The following TAFA2 variants were observed in gnomAD, a reference collection of about 807,000 sequenced individuals.
The protein encoded by TAFA2 is TAFA chemokine like family member 2.
In TAFA2, 7 loss-of-function variants were observed where a neutral mutation model predicts 18.8. That is an observed-to-expected ratio of 0.37 (90% CI 0.21 to 0.70). The LOEUF is 0.70. Ranked by LOEUF, TAFA2 falls within the 30% of genes least tolerant of loss-of-function variation. TAFA2 has a pLI of 0.53. For synonymous variants in TAFA2, 60 were observed against 54.2 expected (o/e 1.11, Z -0.47); for missense variants, 122 against 158.1 (o/e 0.77, Z 1.23).
At chr12:61,878,053 A>G (rs1015458238) in intron 1 of TAFA2, 13 of 454,534 alleles carry the variant, frequency 2.9e-5, no homozygotes, top group Non-Finnish European at 5.7e-5. Context: ...ACACAAAAGT[A>G]CAAATACTGT....
intron 1 of TAFA2, among the ~76,000 whole-genome samples, chr12:62,023,964 A>T (rs1433227585): frequency 6.6e-6 from 1 of 152,206 alleles, no homozygotes; most frequent in African/African-American, 2.4e-5. Flanking sequence ...GAAAAGTCGA[A>T]AGTTTAGATA....
Position 61,711,152 on chromosome 12 carries a change from GA to G in TAFA2, c.385-736del, listed in dbSNP as rs564855396. On this transcript the variant is annotated intron_variant, in intron 4 of 4. Transcript: ENST00000416284. ...AAGTCCAAAGACCATTTGTGTACAG[GA>G]AAAAAGAATAATAAACAGATAGAAT... 2.5e-3 allele frequency among the ~76,000 whole-genome samples: 381 copies of G among 151,754 alleles called. 5 individuals are homozygous for G. The highest frequency in any genetic ancestry group is 8.4e-3 in the African/African-American group (346 of 41,414).
intron 1 of TAFA2, among the ~76,000 whole-genome samples, chr12:62,057,377 T>A (rs951492388): frequency 7.2e-5 from 11 of 152,108 alleles, no homozygotes; most frequent in African/African-American, 2.7e-4. Flanking sequence ...TCTCACAAGA[T>A]GTTATGTTAG....
At chr12:61,960,240 T>G (rs980628518) in intron 1 of TAFA2, among the ~76,000 whole-genome samples, 1 of 152,006 alleles carries the variant, frequency 6.6e-6, no homozygotes, top group Non-Finnish European at 1.5e-5. Context: ...ATTTTTATCT[T>G]AAAGTCTTTC....
At chr12:62,059,350 A>G (rs1248215428) in intron 1 of TAFA2, among the ~76,000 whole-genome samples, 1 of 152,094 alleles carries the variant, frequency 6.6e-6, no homozygotes, top group African/African-American at 2.4e-5. Flanking sequence ...GAAAGTAATT[A>G]TTGAACTGCT....
chr12:61,865,201 T>A (rs1369113557), intron 2 of TAFA2, among the ~76,000 whole-genome samples: 7 of 152,164 alleles, frequency 4.6e-5, no homozygotes, highest in African/African-American at 1.7e-4. Flanking sequence ...TGTAACTATA[T>A]CCTTCCACAG....
intron 1 of TAFA2, among the ~76,000 whole-genome samples, chr12:62,189,974 G>A (rs2062611606): frequency 6.6e-6 from 1 of 151,732 alleles, no homozygotes; most frequent in South Asian, 2.1e-4. Context: ...GTGTGTGTGT[G>A]TGTGTCTGTG....
At chr12:61,732,953 C>G (rs888014847) in intron 4 of TAFA2, among the ~76,000 whole-genome samples, 2 of 152,028 alleles carry the variant, frequency 1.3e-5, no homozygotes, top group Non-Finnish European at 2.9e-5. Flanking sequence ...ACCCCCATCT[C>G]TTATACACTC....
chr12:62,118,773 C>T (rs543448663), intron 1 of TAFA2, among the ~76,000 whole-genome samples: 2 of 152,022 alleles, frequency 1.3e-5, no homozygotes, highest in South Asian at 4.2e-4. Context: ...TATGAGTTTT[C>T]TCTTCTGTGT....
rs542933776 is a variant in TAFA2, at chr12:61,725,086, A to G, written c.385-14669T>C. Among the ~76,000 whole-genome samples the G allele has an allele frequency of 4.0e-5, 6 of 151,376 alleles. No homozygotes were observed. In the South Asian group the frequency reaches 1.2e-3, roughly 32 times the overall value. On this transcript the variant is annotated intron_variant, in intron 4 of 4. Coordinates refer to ENST00000416284, the MANE Select transcript of TAFA2 (RefSeq NM_178539.5). ...GTTTTTATGTTTGTTGGCAATTTGT[A>G]TATCTTTCTTTTTTATCTATTTATG... is the stretch of plus-strand genomic sequence containing the variant.
Position 62,099,597 on chromosome 12 carries a change from G to A in TAFA2, c.-2+91662C>T, listed in dbSNP as rs1046572761. On this transcript the variant is annotated intron_variant, in intron 1 of 4. Transcript: ENST00000416284. Reference sequence around the variant, plus strand: ...TGCATTATAAATTTAACTTCCAGTCGGAGAAATAGCAATGCAGTAAAATCT... The same window carrying A: ...TGCATTATAAATTTAACTTCCAGTCAGAGAAATAGCAATGCAGTAAAATCT... Among the ~76,000 whole-genome samples the A allele has an allele frequency of 6.6e-5, 10 of 152,202 alleles. 1 individual carries two copies. The highest frequency in any genetic ancestry group is 6.8e-3 in the Middle Eastern group (2 of 294).
intron 1 of TAFA2, among the ~76,000 whole-genome samples, chr12:62,039,384 A>G (rs1398221603): frequency 6.6e-6 from 1 of 152,160 alleles, no homozygotes; most frequent in African/African-American, 2.4e-5. Flanking sequence ...ATTATAATTT[A>G]TGTTGTACTT....
chr12:61,932,634 G>A (rs1037968465), intron 1 of TAFA2, among the ~76,000 whole-genome samples: 3 of 152,006 alleles, frequency 2.0e-5, no homozygotes, highest in African/African-American at 7.3e-5. Flanking sequence ...GTAAAGATGG[G>A]GTTTCACCAT....
chr12:62,056,909 A>G (rs1430992634), intron 1 of TAFA2, among the ~76,000 whole-genome samples: 1 of 152,200 alleles, frequency 6.6e-6, no homozygotes, highest in Non-Finnish European at 1.5e-5. Context: ...GTTAGCTAGC[A>G]TTTTGTTTAA....
At chr12:62,004,528 A>C (rs369378389) in intron 1 of TAFA2, among the ~76,000 whole-genome samples, 40 of 152,286 alleles carry the variant, frequency 2.6e-4, no homozygotes, top group Non-Finnish European at 5.3e-4. Context: ...AGGAACAAGC[A>C]TCTAGTCTCT....
intron 1 of TAFA2, among the ~76,000 whole-genome samples, chr12:61,874,806 G>T (rs905500682): frequency 1.3e-5 from 2 of 152,086 alleles, no homozygotes; most frequent in African/African-American, 4.8e-5. Context: ...CACCTGAAAT[G>T]ATCAAGGCTA....
chr12:61,915,442 G>C (rs1052857851), intron 1 of TAFA2, among the ~76,000 whole-genome samples: 2 of 152,172 alleles, frequency 1.3e-5, no homozygotes, highest in African/African-American at 4.8e-5. Context: ...ATGTGTATTA[G>C]CCAAAGTTCT....
At chr12:62,184,706 G>C (rs919138034) in intron 1 of TAFA2, among the ~76,000 whole-genome samples, 4 of 150,430 alleles carry the variant, frequency 2.7e-5, no homozygotes, top group African/African-American at 9.8e-5. Flanking sequence ...TCATCATGTT[G>C]CCCGGATGGT....
chr12:62,033,528 CCAA>C lies in TAFA2; in HGVS notation c.-2+157728_-2+157730del, dbSNP rs374484930. Among the ~76,000 whole-genome samples, 508 of 152,212 alleles carry C rather than the reference CCAA, an allele frequency of 3.3e-3. 3 individuals are homozygous for C. Among genetic ancestry groups the C allele is most frequent in the African/African-American group, 0.012 (489 of 41,506 alleles). ...ATGCCTCAAGAAGAGGGCAGAGTTT[CCAA>C]CAACACTGACATTATCACCTAATTC... is the stretch of plus-strand genomic sequence containing the variant. On this transcript the variant is annotated intron_variant, in intron 1 of 4. Coordinates refer to ENST00000416284, the MANE Select transcript of TAFA2 (RefSeq NM_178539.5).
Sources: gnomAD v4.1 joint callset for allele counts (sites outside exome capture counted in the v4.1 genomes callset) on GRCh38, gnomAD v4.1.1 for gene constraint, MANE v1.5 for transcripts, NCBI Gene and HGNC (gene_info 2026-07-23, HGNC 2026-07-21) for gene names.